The following ACTR8 variants were observed in gnomAD, a reference collection of about 807,000 sequenced individuals.
ACTR8 encodes actin-related protein 8.
In ACTR8, 70 loss-of-function variants were observed where a neutral mutation model predicts 84.3. The observed-to-expected ratio is 0.83, with a 90% CI of 0.68 to 1.01. ACTR8 has a LOEUF of 1.01. Ranked by LOEUF, ACTR8 falls within the 50% of genes least tolerant of loss-of-function variation. The pLI is 0.00. For missense variants in ACTR8, 672 were observed against 775.4 expected, an observed-to-expected ratio of 0.87 and a Z score of 1.58; for synonymous variants, 268 against 275.2, an observed-to-expected ratio of 0.97 and a Z score of 0.26.
chr3:53,873,537 T>C (rs974139012), intron 8 of ACTR8, among the ~76,000 whole-genome samples: 3 of 152,252 alleles, frequency 2.0e-5, no homozygotes, highest in South Asian at 2.1e-4. Context: ...CATTGATTGT[T>C]TGCAATATTA....
downstream of ACTR8, among the ~76,000 whole-genome samples, chr3:53,864,352 G>C (rs1282731259): frequency 1.3e-5 from 2 of 152,104 alleles, no homozygotes; most frequent in Non-Finnish European, 1.5e-5. Flanking sequence ...CTGGCTAACA[G>C]GGTGAAACCC....
chr3:53,874,153 A>T, intron 8 of ACTR8, 58 bp downstream of exon 8: 1 of 1,552,704 alleles, frequency 6.4e-7, no homozygotes, highest in Non-Finnish European at 8.7e-7. Flanking sequence ...GTATCTTTTA[A>T]ATCTCTTAAA....
At chr3:53,876,486 T>A in intron 6 of ACTR8, 134 bp downstream of exon 6, 1 of 634,470 alleles carries the variant, frequency 1.6e-6, no homozygotes. Context: ...GCCACTGCAC[T>A]CCAGCCTGGG....
At position 53,881,965 on chromosome 3, in the gene ACTR8, A is replaced by C; in HGVS notation, c.123+14T>G. 1 of 1,555,444 alleles carries C rather than the reference A, an allele frequency of 6.4e-7. No homozygotes were observed. Among genetic ancestry groups the C allele is most frequent in the Non-Finnish European group, 8.7e-7 (1 of 1,148,790 alleles). On this transcript the variant is annotated intron_variant, in intron 1 of 12. Coordinates refer to ENST00000335754, the MANE Select transcript of ACTR8 (RefSeq NM_022899.5). ...AAGCAAGGGCAAAGAGTTCCAACCCAGCCAGAGCCGCACCTCTTGCAGCGA... is the reference window on the plus strand; with the variant it reads ...AAGCAAGGGCAAAGAGTTCCAACCCCGCCAGAGCCGCACCTCTTGCAGCGA...
the ACTR8 span, chr3:53,860,198 G>A: frequency 6.2e-7 from 1 of 1,613,824 alleles, no homozygotes; most frequent in East Asian, 2.2e-5. Flanking sequence ...ATGGGTGCTG[G>A]TGGCAGGGAT....
chr3:53,862,366 C>T (rs1234512327), downstream of ACTR8, among the ~76,000 whole-genome samples: 1 of 152,168 alleles, frequency 6.6e-6, no homozygotes, highest in Non-Finnish European at 1.5e-5. Context: ...ACATGGAAGT[C>T]TGGAAGAATT....
intron 7 of ACTR8, among the ~76,000 whole-genome samples, chr3:53,875,101 G>A (rs1212337193): frequency 1.3e-5 from 2 of 152,210 alleles, no homozygotes; most frequent in South Asian, 4.1e-4. Flanking sequence ...GAAGACAGCT[G>A]CTATATTATT....
intron 3 of ACTR8, among the ~76,000 whole-genome samples, 155 bp from the exon 4 acceptor site, chr3:53,877,906 T>C (rs541560484): frequency 6.6e-6 from 1 of 152,346 alleles, no homozygotes; most frequent in East Asian, 1.9e-4. Context: ...AGGATTCTCT[T>C]GTCCTTTTTA....
At position 53,882,148 on chromosome 3, in the gene ACTR8, C is replaced by A; in HGVS notation, c.-47G>T. ...ACCTCTCGCCTCAGCGCTGCAGCCA[C>A]GACTGCCGGGATGGAAGGGCCACCG... On this transcript the variant is annotated 5_prime_UTR_variant, in exon 1 of 13. Transcript: ENST00000335754. The A allele has an allele frequency of 1.3e-6, 2 of 1,544,066 alleles. No individual in the cohort carries two copies. The highest frequency in any genetic ancestry group is 1.8e-6 in the Non-Finnish European group (2 of 1,141,810).
At chr3:53,876,188 ATC>A in intron 6 of ACTR8, 108 bp from the exon 7 acceptor site, 1 of 1,346,476 alleles carries the variant, frequency 7.4e-7, no homozygotes, top group Non-Finnish European at 1.0e-6. Context: ...TGGGCAGGGC[ATC>A]TGAGGAACAC....
chr3:53,866,485 A>C (rs1224324563), downstream of ACTR8, among the ~76,000 whole-genome samples: 1 of 151,842 alleles, frequency 6.6e-6, no homozygotes, highest in Admixed American at 6.6e-5. Flanking sequence ...TAAATTTTTT[A>C]AATTTTTTTT....
chr3:53,865,726 CCTT>C (rs1699761895), downstream of ACTR8: 1 of 155,818 alleles, frequency 6.4e-6, no homozygotes, highest in Admixed American at 6.4e-5. Flanking sequence ...AAGTGAAAAA[CCTT>C]CTATTACATG....
chr3:53,862,676 G>A (rs1699607694), downstream of ACTR8, among the ~76,000 whole-genome samples: 1 of 152,198 alleles, frequency 6.6e-6, no homozygotes, highest in Admixed American at 6.5e-5. Flanking sequence ...TGATGAAGAC[G>A]ACACAGAAGC....
chr3:53,877,631 T>C lies in ACTR8; in HGVS notation c.510+16A>G, dbSNP rs1699996243. The C allele has an allele frequency of 3.8e-6, 6 of 1,597,876 alleles. No individual in the cohort carries two copies. The highest frequency in any genetic ancestry group is 3.3e-4 in the Middle Eastern group (2 of 6,026). On this transcript the variant is annotated intron_variant, in intron 4 of 12. Transcript: ENST00000335754. ...AGCTTCCCCTTCTTTCATTCTATTG[T>C]AAAGAAGTTTCTTACCTCTTCTCCT...
chr3:53,879,066 C>A (rs955270433), intron 2 of ACTR8, among the ~76,000 whole-genome samples: 15 of 152,274 alleles, frequency 9.9e-5, no homozygotes, highest in Admixed American at 9.8e-4. Context: ...ATCAGCAAGG[C>A]TTAAACTTTT....
At chr3:53,860,080 G>C in the ACTR8 span, 1 of 1,199,350 alleles carries the variant, frequency 8.3e-7, no homozygotes, top group Non-Finnish European at 1.2e-6. Flanking sequence ...TAAATTAAGA[G>C]ATAAGTGTGG....
downstream of ACTR8, among the ~76,000 whole-genome samples, chr3:53,866,146 G>A (rs559978773): frequency 2.0e-5 from 3 of 152,330 alleles, no homozygotes; most frequent in African/African-American, 7.2e-5. Context: ...TCCAATCCCA[G>A]CACTTTGGCA....
downstream of ACTR8, among the ~76,000 whole-genome samples, chr3:53,863,755 A>C (rs887416808): frequency 1.1e-4 from 16 of 152,100 alleles, no homozygotes; most frequent in African/African-American, 3.9e-4. Flanking sequence ...TGAAGTGCAG[A>C]GGTCAAGTGT....
the ACTR8 span, chr3:53,860,169 T>C: frequency 1.2e-5 from 20 of 1,614,046 alleles, no homozygotes; most frequent in Non-Finnish European, 1.6e-5. Flanking sequence ...CTCCTCCTGC[T>C]GTCTCTGCTG....
Sources: gnomAD v4.1 joint callset for allele counts (sites outside exome capture counted in the v4.1 genomes callset) on GRCh38, gnomAD v4.1.1 for gene constraint, MANE v1.5 for transcripts, NCBI Gene and HGNC (gene_info 2026-07-23, HGNC 2026-07-21) for gene names.